Variants in DLGAP1 observed in about 807,000 individuals in gnomAD.
DLGAP1 encodes DLG associated protein 1.
Under a neutral mutation model 90.8 loss-of-function variants are expected in DLGAP1, and 11 were observed. The ratio of observed to expected loss-of-function variants is 0.12; its 90% CI spans 0.08 to 0.20. The LOEUF (loss-of-function observed/expected upper bound fraction) is 0.20, where lower values mean the gene tolerates loss of function less well. Among genes scored for constraint, DLGAP1 ranks in the 10% least tolerant of loss-of-function variants. The pLI is 1.00. For missense variants in DLGAP1, 1,050 were observed against 1,333.8 expected (o/e 0.79, Z 3.31); for synonymous variants, 558 against 540.7 (o/e 1.03, Z -0.44).
chr18:3,978,945 T>G (rs1320114016), intron 3 of DLGAP1, among the ~76,000 whole-genome samples: 1 of 152,134 alleles, frequency 6.6e-6, no homozygotes, highest in East Asian at 1.9e-4. Context: ...AATCCACCTC[T>G]CTGGTGAAAT....
chr18:3,600,477 C>A (rs1383378665), intron 7 of DLGAP1, among the ~76,000 whole-genome samples: 2 of 152,068 alleles, frequency 1.3e-5, no homozygotes, highest in African/African-American at 4.8e-5. Flanking sequence ...CTCAGGTGAT[C>A]CACCTGCCTC....
chr18:3,635,153 G>C (rs1204301334), intron 7 of DLGAP1, among the ~76,000 whole-genome samples: 70 of 148,124 alleles, frequency 4.7e-4, no homozygotes, highest in Non-Finnish European at 6.6e-4. Flanking sequence ...TTTTTTGAGA[G>C]GGAGTCTCGC....
intron 7 of DLGAP1, among the ~76,000 whole-genome samples, chr18:3,701,268 C>A (rs1460245050): frequency 6.6e-6 from 1 of 152,086 alleles, no homozygotes; most frequent in East Asian, 1.9e-4. Flanking sequence ...CAGTCCGGAT[C>A]CAGGGTGAAA....
At chr18:3,997,582 C>T (rs997804788) in intron 3 of DLGAP1, among the ~76,000 whole-genome samples, 16 of 152,080 alleles carry the variant, frequency 1.1e-4, no homozygotes, top group African/African-American at 3.9e-4. Context: ...TAACATGTTC[C>T]TCTGTCCAGT....
chr18:3,708,067 G>A (rs1254758784), intron 7 of DLGAP1, among the ~76,000 whole-genome samples: 3 of 150,848 alleles, frequency 2.0e-5, no homozygotes, highest in African/African-American at 4.9e-5. Context: ...GTGCAGTGGC[G>A]TGACCCCAGC....
chr18:4,038,990 G>A (rs1243819407), intron 2 of DLGAP1, among the ~76,000 whole-genome samples: 7 of 151,988 alleles, frequency 4.6e-5, no homozygotes, highest in Non-Finnish European at 1.0e-4. Context: ...CCTTCCTTCC[G>A]GTCAAGCACA....
chr18:3,907,784 C>T (rs778073413), intron 3 of DLGAP1, among the ~76,000 whole-genome samples: 11 of 152,158 alleles, frequency 7.2e-5, no homozygotes, highest in Admixed American at 2.0e-4. Context: ...CAGGTGCCAA[C>T]GACCAGGAGG....
At chr18:4,119,530 C>T (rs970817207) in intron 2 of DLGAP1, among the ~76,000 whole-genome samples, 3 of 152,168 alleles carry the variant, frequency 2.0e-5, no homozygotes, top group Non-Finnish European at 4.4e-5. Context: ...ATGATAATAG[C>T]ACTTTGTCCT....
At chr18:4,065,606 G>C (rs956649689) in intron 2 of DLGAP1, among the ~76,000 whole-genome samples, 1 of 151,962 alleles carries the variant, frequency 6.6e-6, no homozygotes, top group Non-Finnish European at 1.5e-5. Context: ...TGGGAATACA[G>C]CTAACTAGGG....
intron 10 of DLGAP1, among the ~76,000 whole-genome samples, chr18:3,523,572 G>T (rs2051358013): frequency 1.3e-5 from 2 of 151,886 alleles, no homozygotes; most frequent in South Asian, 4.1e-4. Flanking sequence ...GTCCGACCAG[G>T]TGCGGTGGCT....
chr18:3,725,653 T>C (rs1333898984), intron 7 of DLGAP1, among the ~76,000 whole-genome samples: 1 of 152,208 alleles, frequency 6.6e-6, no homozygotes, highest in Non-Finnish European at 1.5e-5. Context: ...GTTGAGTCTA[T>C]TGGATGGAGA....
At chr18:4,349,373 G>C (rs983969095) in intron 1 of DLGAP1, among the ~76,000 whole-genome samples, 16 of 152,204 alleles carry the variant, frequency 1.1e-4, no homozygotes, top group African/African-American at 3.4e-4. Flanking sequence ...AATCAAAAGA[G>C]AGTAAAGAGA....
chr18:3,579,839 T>A (rs796670421), intron 8 of DLGAP1, among the ~76,000 whole-genome samples: 3 of 152,330 alleles, frequency 2.0e-5, no homozygotes, highest in African/African-American at 7.2e-5. Context: ...TCTTTCCTCA[T>A]GATGCTGTGA....
intron 2 of DLGAP1, among the ~76,000 whole-genome samples, chr18:4,142,040 T>C (rs2076503220): frequency 1.3e-5 from 2 of 152,176 alleles, no homozygotes; most frequent in Admixed American, 1.3e-4. Flanking sequence ...TGGTTGTTCC[T>C]TGGTGTCTGA....
chr18:4,023,519 T>G (rs2074648812), intron 2 of DLGAP1, among the ~76,000 whole-genome samples: 1 of 150,276 alleles, frequency 6.7e-6, no homozygotes, highest in Non-Finnish European at 1.5e-5. Context: ...CATTCAATGT[T>G]ATTATTAACT....
chr18:3,978,184 G>C, intron 3 of DLGAP1: 1 of 424,990 alleles, frequency 2.4e-6, no homozygotes, highest in Non-Finnish European at 4.6e-6. Flanking sequence ...TGGCACAGGA[G>C]GCGTTGCCGA....
intron 6 of DLGAP1, among the ~76,000 whole-genome samples, chr18:3,731,299 G>T (rs144982731): frequency 1.3e-5 from 2 of 151,070 alleles, no homozygotes; most frequent in African/African-American, 4.9e-5. Flanking sequence ...CATTAAACTC[G>T]GATGATTATC....
intron 1 of DLGAP1, among the ~76,000 whole-genome samples, chr18:4,304,709 T>A (rs896611546): frequency 1.3e-5 from 2 of 152,148 alleles, no homozygotes; most frequent in Non-Finnish European, 2.9e-5. Flanking sequence ...GGAGGGTGGA[T>A]CACCTGAGGT....
At chr18:3,646,720 TGA>T (rs1555613721) in intron 7 of DLGAP1, among the ~76,000 whole-genome samples, 1 of 151,918 alleles carries the variant, frequency 6.6e-6, no homozygotes, top group Non-Finnish European at 1.5e-5. Context: ...GTCAGGAGAT[TGA>T]GACCATCCTG....
Sources: allele counts gnomAD v4.1 joint callset (sites outside exome capture counted in the v4.1 genomes callset), GRCh38; gene constraint gnomAD v4.1.1; transcripts MANE v1.5; gene names NCBI Gene and HGNC (gene_info 2026-07-23, HGNC 2026-07-21).